The following CELF2 variants were observed in gnomAD, a reference collection of about 807,000 sequenced individuals.
CELF2 encodes the protein CUGBP Elav-like family member 2.
CELF2 carries 8 observed loss-of-function variants against 62.6 expected under a neutral mutation model. The observed-to-expected ratio is 0.13, with a 90% CI of 0.07 to 0.23. The LOEUF is 0.23. Among genes scored for constraint, CELF2 ranks in the 10% least tolerant of loss-of-function variants. The pLI, the probability that CELF2 is intolerant of heterozygous loss-of-function variation, is 1.00. For synonymous variants in CELF2, 258 were observed against 250.0 expected (o/e 1.03, Z -0.30); for missense variants, 333 against 671.0 (o/e 0.50, Z 5.56).
chr10:10,473,664 T>C, the CELF2 span, among the ~76,000 whole-genome samples: 3 of 152,084 alleles, frequency 2.0e-5, no homozygotes, highest in African/African-American at 7.2e-5. Context: ...ATTTGTTTCA[T>C]GTAATGGTTA....
intron 1 of CELF2, among the ~76,000 whole-genome samples, chr10:10,883,190 T>C (rs1055788036): frequency 6.6e-6 from 1 of 152,242 alleles, no homozygotes; most frequent in Non-Finnish European, 1.5e-5. Context: ...AATATCTTTA[T>C]AGAGCTTAGC....
intron 2 of CELF2, among the ~76,000 whole-genome samples, chr10:11,213,709 C>T (rs557872444): frequency 1.2e-4 from 19 of 152,342 alleles, no homozygotes; most frequent in African/African-American, 4.3e-4. Context: ...AAGGTACACA[C>T]TACAGTCCTG....
At chr10:10,969,452 G>C (rs1299968981) in intron 2 of CELF2, among the ~76,000 whole-genome samples, 1 of 152,190 alleles carries the variant, frequency 6.6e-6, no homozygotes, top group Admixed American at 6.5e-5. Flanking sequence ...CCCTTAAGTA[G>C]ATTAATTGTA....
At chr10:11,020,501 C>T (rs1202081109) in intron 1 of CELF2, among the ~76,000 whole-genome samples, 2 of 151,912 alleles carry the variant, frequency 1.3e-5, no homozygotes, top group Non-Finnish European at 2.9e-5. Flanking sequence ...CCATATTCAC[C>T]CAGTTGAGAA....
At chr10:11,245,524 G>C (rs1231598033) in intron 3 of CELF2, among the ~76,000 whole-genome samples, 1 of 152,324 alleles carries the variant, frequency 6.6e-6, no homozygotes, top group East Asian at 1.9e-4. Context: ...ACGGCTCTGC[G>C]AAGTTGATTT....
intron 1 of CELF2, among the ~76,000 whole-genome samples, chr10:11,144,636 A>G (rs1246910739): frequency 1.3e-5 from 2 of 151,776 alleles, no homozygotes; most frequent in Non-Finnish European, 2.9e-5. Flanking sequence ...GCTCATGCCT[A>G]TAATCTCAGC....
At chr10:11,130,768 G>A (rs1016018378) in intron 1 of CELF2, among the ~76,000 whole-genome samples, 1 of 152,164 alleles carries the variant, frequency 6.6e-6, no homozygotes, top group Non-Finnish European at 1.5e-5. Flanking sequence ...TTGAAACATA[G>A]TCTGTTATTA....
At chr10:10,568,487 G>C in the CELF2 span, among the ~76,000 whole-genome samples, 2 of 152,140 alleles carry the variant, frequency 1.3e-5, no homozygotes, top group Non-Finnish European at 2.9e-5. Flanking sequence ...TTGTGACGAA[G>C]AGCCTAACAT....
the CELF2 span, among the ~76,000 whole-genome samples, chr10:10,648,035 G>A: frequency 6.6e-6 from 1 of 152,150 alleles, no homozygotes; most frequent in Non-Finnish European, 1.5e-5. Flanking sequence ...CAAACTTCAT[G>A]TACAAATTTA....
chr10:10,874,045 T>A (rs2060928112), intron 1 of CELF2, among the ~76,000 whole-genome samples: 1 of 152,184 alleles, frequency 6.6e-6, no homozygotes, highest in Non-Finnish European at 1.5e-5. Flanking sequence ...GTACAGCGGC[T>A]CATGCCTATA....
At chr10:10,902,712 G>C (rs1321337319) in intron 1 of CELF2, among the ~76,000 whole-genome samples, 1 of 151,872 alleles carries the variant, frequency 6.6e-6, no homozygotes, top group African/African-American at 2.4e-5. Flanking sequence ...ATGAAATCCT[G>C]TACTTTAAGT....
chr10:10,516,426 GCTA>G, the CELF2 span, among the ~76,000 whole-genome samples: 1 of 152,106 alleles, frequency 6.6e-6, no homozygotes, highest in African/African-American at 2.4e-5. Flanking sequence ...TTGCTAAATT[GCTA>G]CTGTTTATTT....
intron 1 of CELF2, among the ~76,000 whole-genome samples, chr10:11,057,526 G>A (rs2065580196): frequency 6.6e-6 from 1 of 152,206 alleles, no homozygotes; most frequent in Non-Finnish European, 1.5e-5. Flanking sequence ...AGGAGCCTCA[G>A]CCACGGCCTT....
chr10:10,566,335 A>C, the CELF2 span, among the ~76,000 whole-genome samples: 2 of 151,808 alleles, frequency 1.3e-5, no homozygotes, highest in Non-Finnish European at 2.9e-5. Flanking sequence ...CCCAGTTGCC[A>C]GTGATTGTGC....
the CELF2 span, among the ~76,000 whole-genome samples, chr10:10,638,774 G>C: frequency 6.6e-6 from 1 of 152,156 alleles, no homozygotes; most frequent in Non-Finnish European, 1.5e-5. Context: ...ACTCTTTTTA[G>C]ACCAAATGTA....
chr10:10,573,907 A>T, the CELF2 span, among the ~76,000 whole-genome samples: 1 of 152,130 alleles, frequency 6.6e-6, no homozygotes, highest in Non-Finnish European at 1.5e-5. Context: ...GCATATTTTT[A>T]TTTATATATT....
upstream of CELF2, among the ~76,000 whole-genome samples, chr10:11,016,573 G>A (rs774798753): frequency 6.6e-6 from 1 of 152,178 alleles, no homozygotes; most frequent in Admixed American, 6.5e-5. The surrounding 1 kb of genome is among the most constrained non-coding windows in gnomAD (Gnocchi z 5.2). Context: ...ATAGTTAGCT[G>A]TCATCACACA....
rs1243630680 is a variant in CELF2 at position 11,290,385 on chromosome 10, G to A, written c.976+1833G>A. Among the ~76,000 whole-genome samples the A allele has an allele frequency of 6.6e-6, 1 of 152,150 alleles. No homozygotes were observed. Among genetic ancestry groups the A allele is most frequent in the African/African-American group, 2.4e-5 (1 of 41,412 alleles). ...CAGAGCCAGTGGGTGGGGGAGAGCG[G>A]AGTGGGGGCTCTGTGGTGGACCGCG... is the stretch of plus-strand genomic sequence containing the variant. On this transcript the variant is annotated intron_variant, in intron 9 of 12. Coordinates refer to ENST00000633077, the MANE Select transcript of CELF2 (RefSeq NM_001326342.2). The surrounding 1 kb of genome is among the most constrained non-coding windows in gnomAD (Gnocchi z 4.3).
chr10:11,143,659 G>A (rs1180507838), intron 1 of CELF2, among the ~76,000 whole-genome samples: 2 of 152,114 alleles, frequency 1.3e-5, no homozygotes, highest in Non-Finnish European at 2.9e-5. Context: ...ACAGTTTAAC[G>A]TGCCCTGCAA....
Sources: gnomAD v4.1 joint callset for allele counts (sites outside exome capture counted in the v4.1 genomes callset) on GRCh38, gnomAD v4.1.1 for gene constraint, Gnocchi (gnomAD v3.1) non-coding constraint, MANE v1.5 for transcripts, NCBI Gene and HGNC (gene_info 2026-07-23, HGNC 2026-07-21) for gene names.